Variants in NARS2 observed in about 807,000 individuals in gnomAD.
NARS2 encodes asparaginyl-tRNA synthetase.
Under a neutral mutation model 62.9 loss-of-function variants are expected in NARS2, and 60 were observed. The observed-to-expected ratio is 0.95, with a 90% CI of 0.77 to 1.18. The LOEUF (loss-of-function observed/expected upper bound fraction) is 1.18, where lower values mean the gene tolerates loss of function less well. Ranked by LOEUF, NARS2 falls within the 50% of genes most tolerant of loss-of-function variation. The pLI, the probability that NARS2 is intolerant of heterozygous loss-of-function variation, is 0.00. For missense variants in NARS2, 619 were observed against 576.4 expected (o/e 1.07, Z -0.76); for synonymous variants, 196 against 200.0 (o/e 0.98, Z 0.17).
At chr11:78,495,011 A>G (rs1249626219) in intron 6 of NARS2, among the ~76,000 whole-genome samples, 2 of 152,064 alleles carry the variant, frequency 1.3e-5, no homozygotes, top group Non-Finnish European at 2.9e-5. Context: ...CTCTATCTCC[A>G]CAGCTATTGT....
intron 9 of NARS2, among the ~76,000 whole-genome samples, chr11:78,476,518 C>A (rs1859104124): frequency 6.6e-6 from 1 of 152,176 alleles, no homozygotes; most frequent in South Asian, 2.1e-4. Context: ...ACTTTTTGCT[C>A]TGTGGTCCAT....
intron 9 of NARS2, among the ~76,000 whole-genome samples, chr11:78,474,923 C>CTAT (rs1565222475): frequency 8.6e-5 from 13 of 151,082 alleles, no homozygotes; most frequent in Admixed American, 3.3e-4. Context: ...TTTTTTTTTG[C>CTAT]AGTGAGAAGA....
At chr11:78,471,510 ATTGAACTATCTTTTTTTTTC>A (rs1858870800) in intron 9 of NARS2, among the ~76,000 whole-genome samples, 2 of 150,384 alleles carry the variant, frequency 1.3e-5, no homozygotes, top group Admixed American at 1.3e-4. Context: ...AAATAAGGAG[ATTGAACTATCTTTTTTTTTC>A]TTTTTTTTCT....
intron 5 of NARS2, among the ~76,000 whole-genome samples, chr11:78,541,602 C>T (rs531990091): frequency 7.0e-4 from 106 of 151,902 alleles, no homozygotes; most frequent in African/African-American, 2.3e-3. Flanking sequence ...TCCAGCTACT[C>T]GGGAGGCTGA....
chr11:78,472,926 T>C (rs953933382), intron 9 of NARS2, among the ~76,000 whole-genome samples: 6 of 152,194 alleles, frequency 3.9e-5, no homozygotes, highest in African/African-American at 1.4e-4. Context: ...GATGACTTAA[T>C]AATCACTGTC....
intron 5 of NARS2, among the ~76,000 whole-genome samples, chr11:78,532,220 ATTTC>A (rs1434496977): frequency 1.1e-4 from 16 of 152,186 alleles, no homozygotes; most frequent in Non-Finnish European, 5.9e-5. Flanking sequence ...GTGGGGAAGG[ATTTC>A]TTTAACAAAA....
intron 5 of NARS2, among the ~76,000 whole-genome samples, chr11:78,559,338 A>T (rs1435526746): frequency 6.9e-6 from 1 of 144,216 alleles, no homozygotes; most frequent in African/African-American, 2.5e-5. Flanking sequence ...ATTCATTCTT[A>T]CCTGTCACAG....
At chr11:78,521,181 A>G (rs1861107821) in intron 6 of NARS2, among the ~76,000 whole-genome samples, 1 of 142,480 alleles carries the variant, frequency 7.0e-6, no homozygotes. Flanking sequence ...TTTTTTTTTT[A>G]AGAGGTGGGG....
intron 11 of NARS2, among the ~76,000 whole-genome samples, chr11:78,444,336 G>C (rs1222239409): frequency 6.6e-6 from 1 of 151,910 alleles, no homozygotes; most frequent in East Asian, 1.9e-4. Flanking sequence ...TTGTAGTATT[G>C]TTATTAGGAC....
chr11:78,534,613 G>GA (rs1861603887), intron 5 of NARS2, among the ~76,000 whole-genome samples: 7 of 152,164 alleles, frequency 4.6e-5, no homozygotes, highest in African/African-American at 1.4e-4. Context: ...AACCTCTTAA[G>GA]ATCAAAGATT....
At chr11:78,529,481 A>G (rs764707310) in intron 5 of NARS2, among the ~76,000 whole-genome samples, 1 of 152,234 alleles carries the variant, frequency 6.6e-6, no homozygotes, top group Non-Finnish European at 1.5e-5. Flanking sequence ...CTCTATCTTT[A>G]AAAGATACAC....
At chr11:78,474,895 C>T (rs894650447) in intron 9 of NARS2, among the ~76,000 whole-genome samples, 1 of 151,680 alleles carries the variant, frequency 6.6e-6, no homozygotes, top group African/African-American at 2.4e-5. Flanking sequence ...ACATATCTAT[C>T]GTCTCACATG....
intron 7 of NARS2, among the ~76,000 whole-genome samples, chr11:78,489,861 CG>C (rs1367147329): frequency 6.6e-6 from 1 of 151,846 alleles, no homozygotes; most frequent in Non-Finnish European, 1.5e-5. Flanking sequence ...TTGAGACCAG[CG>C]TGGGTAACAC....
At position 78,436,709 on chromosome 11, in the gene NARS2, AAC is replaced by A; in HGVS notation, c.1393_1394del (p.Val465TyrfsTer31). On this transcript the variant is annotated frameshift_variant, in exon 14 of 14. Transcript: ENST00000281038. LOFTEE classifies it high-confidence loss of function. ...CILGVDNIKD[V>X]IPFPRFPHSC... ...AATGAGGAAACCTTGGGAAAGGGATAACATCTTTGATATTGTCAACACCCAAG... is the reference window on the plus strand; with the variant it reads ...AATGAGGAAACCTTGGGAAAGGGATAATCTTTGATATTGTCAACACCCAAG... 1.9e-6 allele frequency: 3 copies of A among 1,614,204 alleles called. No individual in the cohort carries two copies. Among genetic ancestry groups the A allele is most frequent in the Non-Finnish European group, 2.5e-6 (3 of 1,180,028 alleles).
chr11:78,511,009 GAGA>G lies in NARS2; in HGVS notation c.690-17817_690-17815del, dbSNP rs551554633. Among the ~76,000 whole-genome samples the G allele has an allele frequency of 2.4e-4, 37 of 152,348 alleles. No homozygotes were observed. The South Asian group carries it at 7.7e-3, about 32-fold the overall frequency. On this transcript the variant is annotated intron_variant, in intron 6 of 13. Transcript: ENST00000281038. ...TTGCCTAAGAGCAGGGGTGGGGAAA[GAGA>G]CTCGAGCCAAAGGAAAACAAGGAAT... is the stretch of plus-strand genomic sequence containing the variant.
intron 11 of NARS2, among the ~76,000 whole-genome samples, chr11:78,448,775 G>GT (rs1272139576): frequency 1.3e-5 from 2 of 152,152 alleles, no homozygotes; most frequent in Non-Finnish European, 2.9e-5. Context: ...GCAATCCTTG[G>GT]TAAGATGTTC....
At chr11:78,557,388 T>C (rs1183074351) in intron 5 of NARS2, among the ~76,000 whole-genome samples, 4 of 152,182 alleles carry the variant, frequency 2.6e-5, no homozygotes, top group African/African-American at 9.7e-5. Flanking sequence ...ACAATGAATC[T>C]TGGAAGTGAA....
intron 5 of NARS2, among the ~76,000 whole-genome samples, chr11:78,542,507 G>A (rs1280156983): frequency 1.3e-5 from 2 of 152,104 alleles, no homozygotes; most frequent in Non-Finnish European, 2.9e-5. Context: ...GGATGAATAT[G>A]ATAAGATATG....
intron 11 of NARS2, among the ~76,000 whole-genome samples, chr11:78,448,089 T>A (rs1857826116): frequency 6.6e-6 from 1 of 152,190 alleles, no homozygotes; most frequent in African/African-American, 2.4e-5. Context: ...AGGTGAAGGA[T>A]CTGCTAATTA....
Sources: gnomAD v4.1 joint callset for allele counts (sites outside exome capture counted in the v4.1 genomes callset) on GRCh38, gnomAD v4.1.1 for gene constraint, MANE v1.5 for transcripts, NCBI Gene and HGNC (gene_info 2026-07-23, HGNC 2026-07-21) for gene names.